UVRAG: variants seen among roughly 807,000 people sequenced by gnomAD.
UVRAG encodes UV radiation resistance-associated gene protein.
Under a neutral mutation model 78.0 loss-of-function variants are expected in UVRAG, and 19 were observed. The observed-to-expected ratio is 0.24, with a 90% CI of 0.17 to 0.36. UVRAG has a LOEUF of 0.36. Among genes scored for constraint, UVRAG ranks in the 10% least tolerant of loss-of-function variants. The probability of loss-of-function intolerance (pLI) is 1.00; values close to 1 mark genes in which losing one functional copy is unlikely to be tolerated. For missense variants in UVRAG, 740 were observed against 853.8 expected (o/e 0.87, Z 1.66); for synonymous variants, 323 against 324.6 (o/e 1.00, Z 0.05).
chr11:75,878,193 C>T (rs1257562145), intron 3 of UVRAG, among the ~76,000 whole-genome samples: 1 of 150,162 alleles, frequency 6.7e-6, no homozygotes, highest in South Asian at 2.1e-4. Flanking sequence ...GGGTCACGGC[C>T]GGGCAGAGGC....
At chr11:76,030,665 C>T (rs1950419511) in intron 12 of UVRAG, among the ~76,000 whole-genome samples, 1 of 152,166 alleles carries the variant, frequency 6.6e-6, no homozygotes, top group Non-Finnish European at 1.5e-5. Flanking sequence ...TACCTTGATA[C>T]TCATTGTCCA....
At chr11:75,841,526 A>G (rs1945910527) in intron 1 of UVRAG, among the ~76,000 whole-genome samples, 1 of 144,974 alleles carries the variant, frequency 6.9e-6, no homozygotes, top group African/African-American at 2.8e-5. Flanking sequence ...ATCATTTTCA[A>G]TGACCTTTAA....
At chr11:75,891,329 C>T (rs1189742244) in intron 5 of UVRAG, among the ~76,000 whole-genome samples, 1 of 152,172 alleles carries the variant, frequency 6.6e-6, no homozygotes, top group African/African-American at 2.4e-5. Flanking sequence ...GGGATTGCTA[C>T]TGCTGCTGTT....
At chr11:75,858,447 A>G (rs141275987) in intron 2 of UVRAG, among the ~76,000 whole-genome samples, 6 of 151,844 alleles carry the variant, frequency 4.0e-5, no homozygotes, top group Non-Finnish European at 7.4e-5. Flanking sequence ...GCATCCCTGT[A>G]TTTTGTTTTT....
intron 6 of UVRAG, among the ~76,000 whole-genome samples, chr11:75,919,422 G>A (rs1416531060): frequency 6.6e-6 from 1 of 152,126 alleles, no homozygotes; most frequent in Non-Finnish European, 1.5e-5. Flanking sequence ...GGAATTAAGA[G>A]GATTACTGTT....
chr11:76,002,311 A>G (rs1949830063), intron 8 of UVRAG, among the ~76,000 whole-genome samples: 1 of 152,212 alleles, frequency 6.6e-6, no homozygotes, highest in African/African-American at 2.4e-5. Flanking sequence ...TTCATAGAGA[A>G]ATGAATGTGG....
intron 14 of UVRAG, among the ~76,000 whole-genome samples, chr11:76,139,112 C>T (rs1472698322): frequency 6.6e-6 from 1 of 152,178 alleles, no homozygotes; most frequent in East Asian, 1.9e-4. Context: ...TCTCTCCTGG[C>T]ACCAGTACTC....
intron 12 of UVRAG, among the ~76,000 whole-genome samples, chr11:76,026,683 T>C (rs1433345512): frequency 6.6e-6 from 1 of 152,110 alleles, no homozygotes; most frequent in Non-Finnish European, 1.5e-5. Context: ...AACCTTTAAA[T>C]TGGATGATAA....
intron 13 of UVRAG, among the ~76,000 whole-genome samples, chr11:76,068,840 T>C (rs979956803): frequency 6.6e-6 from 1 of 152,248 alleles, no homozygotes; most frequent in Non-Finnish European, 1.5e-5. Context: ...ACATATAGAC[T>C]AATATATGTT....
intron 12 of UVRAG, among the ~76,000 whole-genome samples, chr11:76,047,158 A>C (rs1049129223): frequency 6.6e-6 from 1 of 152,218 alleles, no homozygotes; most frequent in Non-Finnish European, 1.5e-5. Flanking sequence ...CAAATGATGA[A>C]TAAATACTGA....
intron 7 of UVRAG, among the ~76,000 whole-genome samples, chr11:75,966,874 T>C (rs34596158): frequency 0.021 from 3,211 of 152,336 alleles, 49 homozygotes; most frequent in Non-Finnish European, 0.033. Context: ...GTCTCATGCA[T>C]GTGTAGTATA....
Position 75,908,712 on chromosome 11 carries a change from CTTTTTTTTTTTTTT to C in UVRAG, c.508-3228_508-3215del, listed in dbSNP as rs1024795820. ...ACCAGTCAAATAATCTGGTTCTGGGCTTTTTTTTTTTTTTTTTTTTTTTTTTTGTGGGAGTTTTG... is the reference window on the plus strand; with the variant it reads ...ACCAGTCAAATAATCTGGTTCTGGGCTTTTTTTTTTTTTGTGGGAGTTTTG... On this transcript the variant is annotated intron_variant, in intron 5 of 14. Transcript: ENST00000356136. 9.5e-4 allele frequency among the ~76,000 whole-genome samples: 43 copies of C among 45,454 alleles called. 1 individual carries two copies. The highest frequency in any genetic ancestry group is 1.3e-3 in the Non-Finnish European group (28 of 22,230). The allele number at this position is 45,454 out of a possible 152,430, so 29.8% of individuals were successfully genotyped here.
chr11:76,134,036 T>A (rs1952559684), intron 14 of UVRAG, among the ~76,000 whole-genome samples: 1 of 149,892 alleles, frequency 6.7e-6, no homozygotes, highest in East Asian at 2.0e-4. Context: ...TCACGCAACC[T>A]CCACCTCCTG....
intron 4 of UVRAG, among the ~76,000 whole-genome samples, chr11:75,883,872 G>T (rs913402913): frequency 2.0e-5 from 3 of 152,156 alleles, no homozygotes; most frequent in Non-Finnish European, 4.4e-5. Flanking sequence ...AAAACCGATA[G>T]AGTTGAGTAA....
intron 14 of UVRAG, among the ~76,000 whole-genome samples, chr11:76,126,241 T>G (rs758816047): frequency 8.5e-5 from 13 of 152,104 alleles, no homozygotes; most frequent in Admixed American, 2.0e-4. Context: ...ATGCCCGGCC[T>G]GGCAGTCACA....
intron 12 of UVRAG, among the ~76,000 whole-genome samples, chr11:76,031,660 G>A (rs868794831): frequency 6.6e-6 from 1 of 152,176 alleles, no homozygotes; most frequent in South Asian, 2.1e-4. Context: ...TGAACTTACT[G>A]CTTTTCTAGT....
intron 13 of UVRAG, among the ~76,000 whole-genome samples, chr11:76,087,385 A>G (rs936032213): frequency 6.6e-6 from 1 of 152,188 alleles, no homozygotes; most frequent in Non-Finnish European, 1.5e-5. Flanking sequence ...ACTCTGACTA[A>G]TTAGGACTCT....
chr11:75,850,271 A>G (rs950396363), intron 1 of UVRAG, among the ~76,000 whole-genome samples: 4 of 152,192 alleles, frequency 2.6e-5, no homozygotes, highest in African/African-American at 4.8e-5. Context: ...TGGAGACCCT[A>G]TTCTCCTGCC....
chr11:76,061,463 C>G (rs1368792678), intron 12 of UVRAG, among the ~76,000 whole-genome samples: 1 of 152,130 alleles, frequency 6.6e-6, no homozygotes. Flanking sequence ...TCGTTCTTTG[C>G]AATAAATCTT....
Sources: allele counts gnomAD v4.1 joint callset (sites outside exome capture counted in the v4.1 genomes callset), GRCh38; gene constraint gnomAD v4.1.1; transcripts MANE v1.5; gene names NCBI Gene and HGNC (gene_info 2026-07-23, HGNC 2026-07-21).